The following GLRA2 variants were observed in gnomAD, a reference collection of about 807,000 sequenced individuals.
GLRA2 encodes glycine receptor alpha 2, also known as glycine receptor subunit alpha-2.
GLRA2 carries 11 observed loss-of-function variants against 31.6 expected under a neutral mutation model. The observed-to-expected ratio is 0.35, with a 90% CI of 0.22 to 0.58. The LOEUF is 0.58. Among genes scored for constraint, GLRA2 ranks in the 20% least tolerant of loss-of-function variants. The probability of loss-of-function intolerance (pLI) is 0.84; values close to 1 mark genes in which losing one functional copy is unlikely to be tolerated. For synonymous variants in GLRA2, 132 were observed against 134.0 expected, an observed-to-expected ratio of 0.99 and a Z score of 0.10; for missense variants, 212 against 351.8, an observed-to-expected ratio of 0.60 and a Z score of 3.18.
At chrX:14,691,497 CAG>C (rs1414122734) in intron 8 of GLRA2, among the ~76,000 whole-genome samples, 2 of 111,613 alleles carry the variant, frequency 1.8e-5, no homozygotes, top group Non-Finnish European at 3.8e-5. Context: ...TTACACTGTC[CAG>C]AGACTTCAGG....
At chrX:14,496,792 C>T in the GLRA2 span, among the ~76,000 whole-genome samples, 4 of 111,658 alleles carry the variant, frequency 3.6e-5, no homozygotes, top group South Asian at 7.6e-4. Context: ...CCAGCTCAAC[C>T]GTGAACCTAG....
chrX:14,479,980 C>T, the GLRA2 span, among the ~76,000 whole-genome samples: 16 of 112,018 alleles, frequency 1.4e-4, no homozygotes, highest in East Asian at 3.4e-3. Flanking sequence ...AACTAATTTA[C>T]GTTCCCATCA....
chrX:14,700,833 T>C (rs775598333), intron 8 of GLRA2, among the ~76,000 whole-genome samples: 1 of 110,002 alleles, frequency 9.1e-6, no homozygotes, highest in South Asian at 4.0e-4. Context: ...ATGAGCAACT[T>C]GAGTACATTT....
the GLRA2 span, among the ~76,000 whole-genome samples, chrX:14,449,125 G>T: frequency 3.6e-5 from 4 of 112,116 alleles, no homozygotes; most frequent in African/African-American, 9.7e-5. Context: ...CCAAAATATC[G>T]AGTAAACCAT....
chrX:14,544,001 A>T (rs1372740532), intron 2 of GLRA2, among the ~76,000 whole-genome samples: 1 of 111,308 alleles, frequency 9.0e-6, no homozygotes, highest in African/African-American at 3.3e-5. Context: ...GGGAACTTAA[A>T]CATACATAAA....
At chrX:14,717,751 A>AAC (rs2091810939) in intron 8 of GLRA2, among the ~76,000 whole-genome samples, 2 of 109,948 alleles carry the variant, frequency 1.8e-5, no homozygotes, top group African/African-American at 6.6e-5. Flanking sequence ...AAAAAAAAAA[A>AAC]AAAAAACCCA....
At chrX:14,506,097 T>C in the GLRA2 span, among the ~76,000 whole-genome samples, 1 of 111,582 alleles carries the variant, frequency 9.0e-6, no homozygotes, top group Non-Finnish European at 1.9e-5. Flanking sequence ...GGGCTTTGCT[T>C]ACTCTCAAAG....
chrX:14,648,053 T>C (rs1243458408), intron 7 of GLRA2, among the ~76,000 whole-genome samples: 1 of 112,635 alleles, frequency 8.9e-6, no homozygotes, highest in African/African-American at 3.2e-5. Context: ...GTCTGCCTCA[T>C]GAAATTCTTG....
intron 7 of GLRA2, among the ~76,000 whole-genome samples, chrX:14,619,301 C>T (rs1218873461): frequency 9.0e-6 from 1 of 111,122 alleles, no homozygotes. Flanking sequence ...CCCTGTTGAA[C>T]ATCTTCCCAT....
At chrX:14,709,532 T>C (rs1410715069) in intron 8 of GLRA2, among the ~76,000 whole-genome samples, 1 of 112,060 alleles carries the variant, frequency 8.9e-6, no homozygotes, top group Admixed American at 9.4e-5. Flanking sequence ...AAACAAACTC[T>C]CATTTTATCC....
chrX:14,570,766 A>G (rs2089871815), intron 2 of GLRA2, among the ~76,000 whole-genome samples: 1 of 112,110 alleles, frequency 8.9e-6, no homozygotes, highest in African/African-American at 3.2e-5. Context: ...AATGTAGCAT[A>G]GTTATAATTT....
chrX:14,654,948 T>G (rs1416168967), intron 7 of GLRA2, among the ~76,000 whole-genome samples: 4 of 111,019 alleles, frequency 3.6e-5, no homozygotes, highest in Non-Finnish European at 7.6e-5. Context: ...TGAGACTTAT[T>G]CACTACCACG....
At chrX:14,543,972 G>C (rs374813856) in intron 2 of GLRA2, among the ~76,000 whole-genome samples, 46 of 111,228 alleles carry the variant, frequency 4.1e-4, no homozygotes, top group African/African-American at 1.5e-3. Flanking sequence ...AACAAATTTT[G>C]CCATGAAAAT....
chrX:14,676,507 C>A (rs771588403), intron 7 of GLRA2, among the ~76,000 whole-genome samples: 2 of 111,951 alleles, frequency 1.8e-5, no homozygotes, highest in South Asian at 3.8e-4. Flanking sequence ...GGAGGAATGT[C>A]GCAGTTCTCT....
At chrX:14,474,651 CAGCTGGGAT>C in the GLRA2 span, among the ~76,000 whole-genome samples, 8 of 101,767 alleles carry the variant, frequency 7.9e-5, no homozygotes, top group African/African-American at 2.2e-4. Context: ...AGGATGGCTT[CAGCTGGGAT>C]GGCTGGGATG....
chrX:14,485,648 A>T, the GLRA2 span, among the ~76,000 whole-genome samples: 1 of 111,067 alleles, frequency 9.0e-6, no homozygotes, highest in Non-Finnish European at 1.9e-5. Context: ...AATATGATCA[A>T]TTTTATCTTT....
In GLRA2 at chrX:14,663,176, T is replaced by C. The variant is rs1026911145; in HGVS notation, c.931-27534T>C. Among the ~76,000 whole-genome samples, 4 of 111,585 alleles carry C rather than the reference T, an allele frequency of 3.6e-5. No homozygotes were observed. In the Admixed American group the frequency reaches 3.8e-4, roughly 11 times the overall value. On this transcript the variant is annotated intron_variant, in intron 7 of 8. Coordinates refer to ENST00000218075, the MANE Select transcript of GLRA2 (RefSeq NM_002063.4). ...TGTTGCATAATAATGCTAATGTAGG[T>C]ATCCCTGTCTTGTTCCTGGTACTAG...
the GLRA2 span, among the ~76,000 whole-genome samples, chrX:14,470,006 A>G: frequency 9.0e-6 from 1 of 111,605 alleles, no homozygotes; most frequent in Non-Finnish European, 1.9e-5. Context: ...AAAATTTGCA[A>G]TGATTAAGAG....
intron 1 of GLRA2, among the ~76,000 whole-genome samples, chrX:14,531,490 C>T (rs2089255238): frequency 9.0e-6 from 1 of 111,020 alleles, no homozygotes; most frequent in Non-Finnish European, 1.9e-5. Flanking sequence ...AAATTTTTCA[C>T]CAACTTTCAG....
Sources: gnomAD v4.1 joint callset for allele counts (sites outside exome capture counted in the v4.1 genomes callset) on GRCh38, gnomAD v4.1.1 for gene constraint, MANE v1.5 for transcripts, NCBI Gene and HGNC (gene_info 2026-07-23, HGNC 2026-07-21) for gene names.